Variants in RUNX1T1 observed in about 807,000 individuals in gnomAD.
RUNX1T1 encodes the protein protein CBFA2T1.
A neutral mutation model predicts 62.8 loss-of-function variants in RUNX1T1; 4 were observed. The ratio of observed to expected loss-of-function variants is 0.06; its 90% CI spans 0.03 to 0.15. The LOEUF (loss-of-function observed/expected upper bound fraction) is 0.15, where lower values mean the gene tolerates loss of function less well. RUNX1T1 is among the 10% of genes least tolerant of loss of function. The pLI, the probability that RUNX1T1 is intolerant of heterozygous loss-of-function variation, is 1.00. For synonymous variants in RUNX1T1, 291 were observed against 286.0 expected (o/e 1.02, Z -0.18); for missense variants, 508 against 754.3 (o/e 0.67, Z 3.82).
Position 92,071,004 on chromosome 8 carries a change from T to C in RUNX1T1, c.88+4961A>G, listed in dbSNP as rs185636302. On this transcript the variant is annotated intron_variant, in intron 2 of 11. Coordinates refer to the RUNX1T1 transcript ENST00000265814. Reference sequence around the variant, plus strand: ...ATTTCCTCTTGGTAAGATAAAATCCTCTTATATTCATGGGATCTCCCAAAT... The same window carrying C: ...ATTTCCTCTTGGTAAGATAAAATCCCCTTATATTCATGGGATCTCCCAAAT... 4.6e-5 allele frequency among the ~76,000 whole-genome samples: 7 copies of C among 152,340 alleles called. No homozygotes were observed. The East Asian group carries it at 1.4e-3, about 29-fold the overall frequency.
chr8:92,083,576 G>A (rs992705760), intron 1 of RUNX1T1, among the ~76,000 whole-genome samples: 1 of 152,108 alleles, frequency 6.6e-6, no homozygotes, highest in African/African-American at 2.4e-5. Flanking sequence ...TTAGAATGGT[G>A]ATCATTAAAA....
chr8:92,039,814 C>G (rs1828107713), intron 1 of RUNX1T1, among the ~76,000 whole-genome samples: 1 of 152,142 alleles, frequency 6.6e-6, no homozygotes, highest in Admixed American at 6.5e-5. Context: ...ATCATTGGAG[C>G]CCCTCAGTTC....
intron 1 of RUNX1T1, among the ~76,000 whole-genome samples, chr8:92,017,964 CT>C (rs1823339777): frequency 6.6e-6 from 1 of 152,150 alleles, no homozygotes; most frequent in Non-Finnish European, 1.5e-5. Context: ...TGAAGTGAAA[CT>C]ATTATTTACT....
chr8:92,090,968 T>C (rs1475974966), intron 1 of RUNX1T1, among the ~76,000 whole-genome samples: 3 of 152,134 alleles, frequency 2.0e-5, no homozygotes, highest in African/African-American at 7.2e-5. Context: ...CTCTAGTATT[T>C]ATCAATTCCT....
intron 1 of RUNX1T1, among the ~76,000 whole-genome samples, chr8:92,045,067 CAAA>C (rs1367759745): frequency 3.2e-5 from 2 of 62,690 alleles, no homozygotes; most frequent in Non-Finnish European, 3.2e-5. Context: ...ACTGGCTCTA[CAAA>C]AAAAAAAAAA....
At chr8:92,022,169 A>G (rs1824238706) in intron 1 of RUNX1T1, among the ~76,000 whole-genome samples, 1 of 152,000 alleles carries the variant, frequency 6.6e-6, no homozygotes, top group Non-Finnish European at 1.5e-5. Flanking sequence ...ATGTAGTAAT[A>G]TAATTGTGGA....
At chr8:91,982,110 G>A (rs1410100016) in intron 8 of RUNX1T1, among the ~76,000 whole-genome samples, 2 of 151,608 alleles carry the variant, frequency 1.3e-5, no homozygotes, top group Admixed American at 1.3e-4. Context: ...AGCTGGGTGT[G>A]GTGGTGGTCT....
rs578248436 is a variant in RUNX1T1, at chr8:92,038,870, C to T, written c.8-21507G>A. Among the ~76,000 whole-genome samples the T allele has an allele frequency of 8.5e-5, 13 of 152,208 alleles. 1 individual carries two copies. Among genetic ancestry groups the T allele is most frequent in the Admixed American group, 7.2e-4 (11 of 15,288 alleles). On this transcript the variant is annotated intron_variant, in intron 1 of 10. Transcript: ENST00000396218. ...GGGCTTCACTCTCCCAGAAATTACT[C>T]TCTCTCTTATCTTCAACTTGTTTGG...
upstream of RUNX1T1, among the ~76,000 whole-genome samples, chr8:92,063,947 C>T (rs1391946980): frequency 6.6e-6 from 1 of 152,188 alleles, no homozygotes; most frequent in East Asian, 1.9e-4. Context: ...CAGGAGCATT[C>T]CCGTTAACTC....
At chr8:92,084,736 A>C (rs1835831537) in intron 1 of RUNX1T1, among the ~76,000 whole-genome samples, 1 of 152,190 alleles carries the variant, frequency 6.6e-6, no homozygotes, top group South Asian at 2.1e-4. Context: ...AAAGTGAGCC[A>C]AGCTTGGCTT....
chr8:92,010,558 C>A (rs887808062), intron 4 of RUNX1T1: 1 of 154,202 alleles, frequency 6.5e-6, no homozygotes, highest in Non-Finnish European at 1.4e-5. Flanking sequence ...GCCAGGCACA[C>A]CTTGGACATG....
At chr8:92,078,744 T>C (rs1426805682) in intron 1 of RUNX1T1, among the ~76,000 whole-genome samples, 2 of 152,246 alleles carry the variant, frequency 1.3e-5, no homozygotes, top group Non-Finnish European at 2.9e-5. Context: ...AAAGGATTCT[T>C]GTTACAGAAA....
intron 1 of RUNX1T1, among the ~76,000 whole-genome samples, chr8:92,044,035 T>C (rs968447528): frequency 2.6e-5 from 4 of 151,720 alleles, no homozygotes; most frequent in African/African-American, 9.7e-5. Context: ...CTAAATTCTT[T>C]ATCAGATAGT....
chr8:92,054,279 G>A (rs867228639), intron 1 of RUNX1T1, among the ~76,000 whole-genome samples: 7 of 152,202 alleles, frequency 4.6e-5, no homozygotes, highest in Middle Eastern at 6.8e-3. Flanking sequence ...GGGGTAAACC[G>A]CTGACATAAA....
intron 1 of RUNX1T1, among the ~76,000 whole-genome samples, chr8:92,054,866 G>A (rs980295427): frequency 2.0e-5 from 3 of 152,118 alleles, no homozygotes; most frequent in South Asian, 2.1e-4. Context: ...TTAGCCGGGC[G>A]TGGTGGCGCT....
chr8:92,081,463 T>A (rs1447881536), intron 1 of RUNX1T1, among the ~76,000 whole-genome samples: 1 of 149,372 alleles, frequency 6.7e-6, no homozygotes, highest in African/African-American at 2.5e-5. Context: ...AAAACCAAAA[T>A]ATGTGGAATT....
At chr8:92,100,090 A>T (rs1273463009), upstream of RUNX1T1, among the ~76,000 whole-genome samples, 1 of 152,224 alleles carries the variant, frequency 6.6e-6, no homozygotes, top group Non-Finnish European at 1.5e-5. Context: ...TAGCTGCAAA[A>T]ATACTGTCCT....
At chr8:92,061,943 G>A (rs1287030070) in intron 1 of RUNX1T1, among the ~76,000 whole-genome samples, 2 of 152,158 alleles carry the variant, frequency 1.3e-5, no homozygotes, top group Non-Finnish European at 2.9e-5. Context: ...ATTTTTCAGA[G>A]GAAACTGACA....
chr8:92,016,097 A>G (rs1822939647), intron 2 of RUNX1T1, among the ~76,000 whole-genome samples: 1 of 152,194 alleles, frequency 6.6e-6, no homozygotes, highest in Non-Finnish European at 1.5e-5. Flanking sequence ...TTTCATTCAT[A>G]TGGATTTCAT....
Sources: allele counts gnomAD v4.1 joint callset (sites outside exome capture counted in the v4.1 genomes callset), GRCh38; gene constraint gnomAD v4.1.1; transcripts MANE v1.5; gene names NCBI Gene and HGNC (gene_info 2026-07-23, HGNC 2026-07-21).